The following PHF6 variants were observed in gnomAD, a reference collection of about 807,000 sequenced individuals.
PHF6 encodes PHD-like zinc finger protein.
PHF6 carries 7 observed loss-of-function variants against 34.0 expected under a neutral mutation model. That is an observed-to-expected ratio of 0.21 (90% CI 0.12 to 0.39). PHF6 has a LOEUF of 0.39. Ranked by LOEUF, PHF6 falls within the 10% of genes least tolerant of loss-of-function variation. PHF6 has a pLI of 1.00. For synonymous variants in PHF6, 89 were observed against 88.4 expected (o/e 1.01, Z -0.04); for missense variants, 128 against 262.8 (o/e 0.49, Z 3.55).
rs768178594 is a variant in PHF6, at chrX:134,381,364, C to T, written c.240+3258C>T. On this transcript the variant is annotated intron_variant, in intron 3 of 10. Transcript: ENST00000370803. Reference sequence around the variant, plus strand: ...TTCTAGATTTAAGTTTGATTCTCTACTATTCCCTGTGTCAATTTGTCTAAG... The same window carrying T: ...TTCTAGATTTAAGTTTGATTCTCTATTATTCCCTGTGTCAATTTGTCTAAG... Among the ~76,000 whole-genome samples, 326 of 111,418 alleles carry T rather than the reference C, an allele frequency of 2.9e-3. 1 individual carries two copies. Among genetic ancestry groups the T allele is most frequent in the Non-Finnish European group, 5.3e-3 (280 of 53,114 alleles).
intron 5 of PHF6, among the ~76,000 whole-genome samples, chrX:134,406,551 C>T (rs751707140): frequency 4.5e-5 from 5 of 111,432 alleles, no homozygotes; most frequent in African/African-American, 1.6e-4. Context: ...CAGGGCTTTA[C>T]AATACTAGGA....
At chrX:134,383,138 G>A in intron 3 of PHF6, among the ~76,000 whole-genome samples, 1 of 110,503 alleles carries the variant, frequency 9.0e-6, no homozygotes, top group East Asian at 2.9e-4. Context: ...TACTCAAGAG[G>A]CTGAGGTGGG....
chrX:134,414,463 A>G (rs1263613484), intron 7 of PHF6, among the ~76,000 whole-genome samples: 1 of 111,826 alleles, frequency 8.9e-6, no homozygotes, highest in East Asian at 2.8e-4. Context: ...CTTACAGTAC[A>G]CATAAATATC....
At chrX:134,389,376 A>G (rs1324391060) in intron 3 of PHF6, among the ~76,000 whole-genome samples, 2 of 111,261 alleles carry the variant, frequency 1.8e-5, no homozygotes, top group Non-Finnish European at 3.8e-5. Context: ...CGTTTGAGGG[A>G]GCCATGGATA....
At chrX:134,375,266 C>G (rs2077273816) in intron 1 of PHF6, among the ~76,000 whole-genome samples, 1 of 111,688 alleles carries the variant, frequency 9.0e-6, no homozygotes, top group Non-Finnish European at 1.9e-5. Flanking sequence ...TCTTACTTTA[C>G]AAATTAAATT....
intron 5 of PHF6, among the ~76,000 whole-genome samples, chrX:134,407,595 A>G (rs763911561): frequency 3.5e-5 from 4 of 112,680 alleles, no homozygotes; most frequent in African/African-American, 6.4e-5. Context: ...TTGTGTGTAT[A>G]TCATTTTAAA....
chrX:134,397,344 G>A lies in PHF6; in HGVS notation c.418+3392G>A, dbSNP rs188226703. On this transcript the variant is annotated intron_variant, in intron 5 of 10. Transcript: ENST00000370803. ...AGATAAGTTGCCTATAAAATGATTC[G>A]AAACATATAAGAAAGCATTTCTGGG... is the stretch of plus-strand genomic sequence containing the variant. Among the ~76,000 whole-genome samples the A allele has an allele frequency of 3.2e-4, 36 of 111,961 alleles. No individual in the cohort carries two copies. The East Asian group carries it at 6.4e-3, about 20-fold the overall frequency.
intron 3 of PHF6, among the ~76,000 whole-genome samples, chrX:134,388,929 C>T (rs1183252552): frequency 1.8e-5 from 2 of 111,119 alleles, no homozygotes; most frequent in African/African-American, 6.5e-5. Flanking sequence ...CCTCTTTCAT[C>T]AGTGGGTCAG....
chrX:134,377,846 A>C, intron 2 of PHF6, 91 bp downstream of exon 2: 1 of 1,038,128 alleles, frequency 9.6e-7, no homozygotes. Flanking sequence ...AAAAAAAACA[A>C]AAACCAAAAA....
At chrX:134,380,037 C>T (rs1414014257) in intron 3 of PHF6, among the ~76,000 whole-genome samples, 1 of 111,708 alleles carries the variant, frequency 9.0e-6, no homozygotes, top group Admixed American at 9.5e-5. Flanking sequence ...AGTTTTGGTC[C>T]CTAATGTTGA....
At chrX:134,396,901 A>G (rs2077379817) in intron 5 of PHF6, among the ~76,000 whole-genome samples, 1 of 109,242 alleles carries the variant, frequency 9.2e-6, no homozygotes, top group African/African-American at 3.3e-5. Context: ...AAAAAAAAAA[A>G]GAATTGTACT....
intron 3 of PHF6, among the ~76,000 whole-genome samples, chrX:134,383,669 AATC>A (rs1266482670): frequency 1.8e-5 from 2 of 111,819 alleles, no homozygotes; most frequent in Non-Finnish European, 3.8e-5. Flanking sequence ...TAATGCTGAT[AATC>A]ATGTTGTGAG....
At position 134,393,943 on chromosome X, in the gene PHF6, A is replaced by G; in HGVS notation, c.409A>G (p.Asn137Asp). Residue 137 changes from asparagine to aspartate, a missense_variant, in exon 5 of 11, where the codon AAC becomes GAC. By Grantham distance (23) the Asn-to-Asp change is conservative (BLOSUM62 1). Transcript: ENST00000370803. The stretch of plus-strand genomic sequence containing the variant: ...CCGAAAACACAAGAAAACTGCACAT[A>G]ACTCCGAAGGTACATCATTTAGCCA... The part of the protein sequence containing the change: ...YCRKHKKTAH[N>D]SEADLEESFN... 8.3e-7 allele frequency: 1 copy of G among 1,210,711 alleles called. No individual in the cohort carries two copies. Among genetic ancestry groups the G allele is most frequent in the Non-Finnish European group, 1.1e-6 (1 of 894,839 alleles).
At chrX:134,404,463 T>C (rs1416155420) in intron 5 of PHF6, among the ~76,000 whole-genome samples, 2 of 111,837 alleles carry the variant, frequency 1.8e-5, no homozygotes, top group Admixed American at 9.5e-5. Flanking sequence ...TGAGATAGAG[T>C]GTACTTCTGG....
At chrX:134,403,385 C>T (rs1033561631) in intron 5 of PHF6, among the ~76,000 whole-genome samples, 8 of 111,796 alleles carry the variant, frequency 7.2e-5, no homozygotes, top group Admixed American at 5.7e-4. Context: ...CCAGAGCAAG[C>T]CTCTAATTCT....
At chrX:134,377,102 C>A (rs1211157344) in intron 1 of PHF6, among the ~76,000 whole-genome samples, 2 of 111,193 alleles carry the variant, frequency 1.8e-5, no homozygotes, top group East Asian at 5.6e-4. Flanking sequence ...ATTATGCCAG[C>A]AGGGGATAAT....
At chrX:134,420,516 G>A (rs1007734657) in intron 9 of PHF6, among the ~76,000 whole-genome samples, 4 of 108,783 alleles carry the variant, frequency 3.7e-5, no homozygotes, top group East Asian at 2.9e-4. Context: ...AAGGAAAACC[G>A]CCTGCCATAC....
chrX:134,396,059 T>G (rs757329604), intron 5 of PHF6, among the ~76,000 whole-genome samples: 56 of 112,039 alleles, frequency 5.0e-4, no homozygotes, highest in African/African-American at 1.7e-3. Flanking sequence ...TATGGTTTTT[T>G]TCTTAATCTA....
intron 5 of PHF6, 24 bp downstream of exon 5, chrX:134,393,976 G>C: frequency 8.3e-7 from 1 of 1,202,473 alleles, no homozygotes. Context: ...CCACGTTTCA[G>C]CCACTTTTCA....
Sources: gnomAD v4.1 joint callset for allele counts (sites outside exome capture counted in the v4.1 genomes callset) on GRCh38, gnomAD v4.1.1 for gene constraint, MANE v1.5 for transcripts, NCBI Gene and HGNC (gene_info 2026-07-23, HGNC 2026-07-21) for gene names.